The following CPVL variants were observed in gnomAD, a reference collection of about 807,000 sequenced individuals.
CPVL encodes carboxypeptidase vitellogenic like.
In CPVL, 51 loss-of-function variants were observed where a neutral mutation model predicts 63.7. That is an observed-to-expected ratio of 0.80 (90% CI 0.64 to 1.01). The LOEUF is 1.01. Among genes scored for constraint, CPVL ranks in the 50% least tolerant of loss-of-function variants. CPVL has a pLI of 0.00. For missense variants in CPVL, 530 were observed against 573.1 expected (o/e 0.92, Z 0.77); for synonymous variants, 195 against 206.0 (o/e 0.95, Z 0.46).
At chr7:29,063,142 A>C (rs1275474600) in intron 11 of CPVL, among the ~76,000 whole-genome samples, 1 of 151,896 alleles carries the variant, frequency 6.6e-6, no homozygotes, top group Admixed American at 6.6e-5. Flanking sequence ...CTTTGCCTGA[A>C]CCTCCAGGGC....
intron 1 of CPVL, among the ~76,000 whole-genome samples, chr7:29,134,454 A>G (rs185255957): frequency 6.6e-6 from 1 of 152,356 alleles, no homozygotes; most frequent in African/African-American, 2.4e-5. Flanking sequence ...CCAACTTGGT[A>G]GAAAATCCAA....
intron 11 of CPVL, among the ~76,000 whole-genome samples, chr7:29,058,191 T>A (rs1224856425): frequency 6.6e-6 from 1 of 152,192 alleles, no homozygotes; most frequent in Non-Finnish European, 1.5e-5. Context: ...GTTCTTGATG[T>A]CTTTTATCAG....
At chr7:29,106,240 C>T (rs1307882203) in intron 3 of CPVL, among the ~76,000 whole-genome samples, 3 of 152,094 alleles carry the variant, frequency 2.0e-5, no homozygotes, top group African/African-American at 7.2e-5. Context: ...GACAAGGGAA[C>T]GACCCTCTGG....
intron 1 of CPVL, among the ~76,000 whole-genome samples, chr7:29,143,832 T>C (rs1165793324): frequency 6.6e-6 from 1 of 152,238 alleles, no homozygotes; most frequent in Non-Finnish European, 1.5e-5. Context: ...CACCCTGTCC[T>C]GCACCCCAGG....
At chr7:29,062,231 T>C (rs1782679927) in intron 11 of CPVL, among the ~76,000 whole-genome samples, 2 of 152,180 alleles carry the variant, frequency 1.3e-5, no homozygotes, top group Admixed American at 6.5e-5. Flanking sequence ...GGTGGTGGTA[T>C]GGGTGTCAGA....
At chr7:29,131,022 T>G (rs189835887) in intron 1 of CPVL, among the ~76,000 whole-genome samples, 64 of 152,200 alleles carry the variant, frequency 4.2e-4, no homozygotes, top group African/African-American at 1.3e-3. Context: ...ACTAAGAAAT[T>G]TTTGTTAGTT....
chr7:29,131,710 G>A (rs919081594), intron 1 of CPVL, among the ~76,000 whole-genome samples: 1 of 152,136 alleles, frequency 6.6e-6, no homozygotes, highest in African/African-American at 2.4e-5. Context: ...ATGGAATTTT[G>A]CCATGTTGGC....
chr7:29,106,831 G>A (rs1422782866), intron 3 of CPVL, among the ~76,000 whole-genome samples: 3 of 152,136 alleles, frequency 2.0e-5, no homozygotes, highest in Admixed American at 6.5e-5. Flanking sequence ...ATCTAATGCC[G>A]CACAACATCT....
intron 5 of CPVL, among the ~76,000 whole-genome samples, chr7:29,179,638 GTAAA>G (rs1381011558): frequency 6.6e-6 from 1 of 152,192 alleles, no homozygotes; most frequent in Non-Finnish European, 1.5e-5. Flanking sequence ...TCTGATATAT[GTAAA>G]TAAATATTCT....
At chr7:29,190,936 C>CT (rs796284400) in intron 1 of CPVL, among the ~76,000 whole-genome samples, 197 of 144,852 alleles carry the variant, frequency 1.4e-3, no homozygotes, top group Middle Eastern at 3.6e-3. Context: ...CCCCACCATG[C>CT]TTTTTTTTTT....
upstream of CPVL, among the ~76,000 whole-genome samples, chr7:29,151,383 G>C (rs569087955): frequency 6.6e-6 from 1 of 152,264 alleles, no homozygotes; most frequent in South Asian, 2.1e-4. Context: ...AGGTGTTAAG[G>C]CTTTCTTACA....
intron 1 of CPVL, among the ~76,000 whole-genome samples, chr7:29,191,009 A>G (rs1782822725): frequency 6.6e-6 from 1 of 151,570 alleles, no homozygotes; most frequent in East Asian, 1.9e-4. Context: ...AACAGAGCTC[A>G]CTGCATCCTT....
intron 1 of CPVL, among the ~76,000 whole-genome samples, chr7:29,191,381 A>G (rs569022546): frequency 6.6e-6 from 1 of 152,354 alleles, no homozygotes; most frequent in African/African-American, 2.4e-5. Flanking sequence ...AATCAGGGAA[A>G]ACTTTCCAGA....
At chr7:29,164,779 CAAAAAAAA>C (rs55742522) in intron 5 of CPVL, among the ~76,000 whole-genome samples, 1 of 85,880 alleles carries the variant, frequency 1.2e-5, no homozygotes, top group African/African-American at 4.3e-5. Context: ...AGACCTGTCT[CAAAAAAAA>C]AAAAAAAAAA....
chr7:29,150,749 A>G (rs1187087295), upstream of CPVL, among the ~76,000 whole-genome samples: 2 of 152,200 alleles, frequency 1.3e-5, no homozygotes, highest in African/African-American at 4.8e-5. Context: ...CAAGGCTTCT[A>G]TAGCCATTGT....
chr7:29,106,307 C>A (rs974187664), intron 3 of CPVL, among the ~76,000 whole-genome samples: 11 of 152,164 alleles, frequency 7.2e-5, no homozygotes, highest in African/African-American at 2.6e-4. Context: ...CTGTAGGGAG[C>A]CTGCTCACCG....
intron 1 of CPVL, chr7:29,122,364 C>T (rs1584324741): frequency 6.6e-6 from 1 of 152,204 alleles, no homozygotes. Context: ...GTGGATCTGG[C>T]TAAACCTAAC....
At chr7:29,065,598 A>G (rs1783058475) in intron 10 of CPVL, among the ~76,000 whole-genome samples, 1 of 152,206 alleles carries the variant, frequency 6.6e-6, no homozygotes, top group South Asian at 2.1e-4. Context: ...GACAAAGCAA[A>G]TATTTTCATT....
rs76724004 is a variant in CPVL, at chr7:29,168,122, C to A, written c.-11+13168G>T. Among the ~76,000 whole-genome samples, 1,392 of 152,290 alleles carry A rather than the reference C, an allele frequency of 9.1e-3. 22 individuals carry two copies. The highest frequency in any genetic ancestry group is 0.032 in the African/African-American group (1,331 of 41,558). On this transcript the variant is annotated intron_variant, in intron 5 of 16. Transcript: ENST00000409850. ...GCATATCATAACATACAGAATATCT[C>A]ATTGTGGTTTTAATTTGCTTTTTCC...
Sources: allele counts gnomAD v4.1 joint callset (sites outside exome capture counted in the v4.1 genomes callset), GRCh38; gene constraint gnomAD v4.1.1; transcripts MANE v1.5; gene names NCBI Gene and HGNC (gene_info 2026-07-23, HGNC 2026-07-21).